Variants in TP73 observed in about 807,000 individuals in gnomAD.
TP73 encodes the protein p53-like transcription factor.
Under a neutral mutation model 62.5 loss-of-function variants are expected in TP73, and 25 were observed. The ratio of observed to expected loss-of-function variants is 0.40; its 90% CI spans 0.29 to 0.56. The LOEUF (loss-of-function observed/expected upper bound fraction) is 0.56, where lower values mean the gene tolerates loss of function less well. TP73 is among the 20% of genes least tolerant of loss of function. The pLI is 0.46. For missense variants in TP73, 754 were observed against 913.3 expected, an observed-to-expected ratio of 0.83 and a Z score of 2.25; for synonymous variants, 423 against 377.5, an observed-to-expected ratio of 1.12 and a Z score of -1.40.
chr1:3,693,712 C>T (rs185644466), intron 3 of TP73, among the ~76,000 whole-genome samples: 1 of 147,774 alleles, frequency 6.8e-6, no homozygotes, highest in African/African-American at 2.5e-5. Context: ...GCAGCCTTAG[C>T]CCCTCCTCCT....
chr1:3,716,956 C>G (rs749217716), intron 4 of TP73, among the ~76,000 whole-genome samples: 2 of 152,108 alleles, frequency 1.3e-5, no homozygotes, highest in Non-Finnish European at 2.9e-5. Context: ...AACACACAGA[C>G]GCACACACAA....
At chr1:3,725,997 T>TA (rs1327047075) in intron 6 of TP73, among the ~76,000 whole-genome samples, 6 of 44,150 alleles carry the variant, frequency 1.4e-4, no homozygotes, top group Non-Finnish European at 1.7e-4. Context: ...ATGGATGGGA[T>TA]GGGTGGATGG....
intron 1 of TP73, among the ~76,000 whole-genome samples, chr1:3,676,788 G>A (rs1645382370): frequency 6.6e-6 from 1 of 151,962 alleles, no homozygotes; most frequent in South Asian, 2.1e-4. Flanking sequence ...GCCCTGCAAA[G>A]TGCCTGGCCA....
intron 1 of TP73, among the ~76,000 whole-genome samples, chr1:3,661,796 C>T (rs6657865): frequency 0.17 from 24,562 of 143,844 alleles, 1,868 homozygotes; most frequent in South Asian, 0.22. Flanking sequence ...TATATACATA[C>T]ACTATATATA....
intron 1 of TP73, among the ~76,000 whole-genome samples, chr1:3,681,713 G>A (rs548339083): frequency 6.6e-6 from 1 of 152,202 alleles, no homozygotes; most frequent in East Asian, 1.9e-4. Context: ...CCGGGGGCTT[G>A]GCTGCAGCCT....
chr1:3,660,443 A>G (rs1644964947), intron 1 of TP73, among the ~76,000 whole-genome samples: 1 of 152,234 alleles, frequency 6.6e-6, no homozygotes, highest in Non-Finnish European at 1.5e-5. Flanking sequence ...ACACTTGGTG[A>G]GCTAACCAAC....
At chr1:3,718,124 C>T (rs530411516) in intron 4 of TP73, among the ~76,000 whole-genome samples, 2 of 152,318 alleles carry the variant, frequency 1.3e-5, no homozygotes, top group African/African-American at 4.8e-5. Flanking sequence ...ACACTCCAGT[C>T]CGAGCCCCCA....
rs932315714 is a variant in TP73, at chr1:3,666,224, G to A, written c.-34+13583G>A. On this transcript the variant is annotated intron_variant, in intron 1 of 13. Coordinates refer to ENST00000378295, the MANE Select transcript of TP73 (RefSeq NM_005427.4). The surrounding 1 kb of genome is among the most constrained non-coding windows in gnomAD (Gnocchi z 6.4). ...AGTGGTGCAGTCACAGCTGACCACA[G>A]CCTCCAACTGCTGGGCTCAGGCCAT... Among the ~76,000 whole-genome samples the A allele has an allele frequency of 6.7e-6, 1 of 148,896 alleles. No homozygotes were observed. Among genetic ancestry groups the A allele is most frequent in the Non-Finnish European group, 1.5e-5 (1 of 67,520 alleles).
At chr1:3,726,963 A>T in intron 6 of TP73, 152 bp from the exon 7 acceptor site, 1 of 548,272 alleles carries the variant, frequency 1.8e-6, no homozygotes, top group Non-Finnish European at 3.2e-6. Context: ...TGGATGAATG[A>T]GTGGACAGAT....
intron 4 of TP73, among the ~76,000 whole-genome samples, chr1:3,716,339 G>A (rs74046833): frequency 0.015 from 2,306 of 152,334 alleles, 68 homozygotes; most frequent in African/African-American, 0.053. Flanking sequence ...GCTGGGCCTG[G>A]CACTGGCTGT....
intron 3 of TP73, chr1:3,690,927 G>T: frequency 6.3e-7 from 1 of 1,580,972 alleles, no homozygotes; most frequent in South Asian, 1.2e-5. Flanking sequence ...CGGTGACCCC[G>T]CACGGCACCT....
At chr1:3,706,115 C>T (rs1010798370) in intron 3 of TP73, among the ~76,000 whole-genome samples, 23 of 152,186 alleles carry the variant, frequency 1.5e-4, no homozygotes, top group Non-Finnish European at 2.1e-4. Context: ...GACCGCCCCC[C>T]GCCCCCGGCC....
chr1:3,731,140 C>T (rs1642108822), intron 12 of TP73, 75 bp downstream of exon 12: 1 of 1,549,240 alleles, frequency 6.5e-7, no homozygotes, highest in Non-Finnish European at 8.7e-7. Flanking sequence ...GCCATGTCAG[C>T]TGCCCTGCCC....
intron 3 of TP73, among the ~76,000 whole-genome samples, chr1:3,691,917 G>T (rs1393323016): frequency 1.3e-5 from 2 of 152,240 alleles, no homozygotes; most frequent in Non-Finnish European, 2.9e-5. Flanking sequence ...TGTGACCAGG[G>T]TGTGTGTGAC....
intron 1 of TP73, among the ~76,000 whole-genome samples, chr1:3,673,389 C>T (rs924730646): frequency 5.9e-5 from 9 of 152,160 alleles, no homozygotes; most frequent in African/African-American, 2.2e-4. Flanking sequence ...ACTAAATAAC[C>T]GTCGGTCAAT....
Position 3,728,293 on chromosome 1 carries a change from G to A in TP73, c.1074+76G>A, listed in dbSNP as rs1641846230. The stretch of plus-strand genomic sequence containing the variant: ...GTCTGCTGAGCCCAGGCTGGGCCAT[G>A]GGGAGGGACTCTGGAGACCATGGTG... On this transcript the variant is annotated intron_variant, in intron 9 of 13. Transcript: ENST00000378295. The A allele has an allele frequency of 2.0e-6, 3 of 1,483,992 alleles. No homozygotes were observed. The Admixed American group carries it at 5.2e-5, about 26-fold the overall frequency. The allele number at this position is 1,483,992 out of a possible 1,614,324, so 91.9% of individuals were successfully genotyped here. A position where few individuals can be genotyped will look rare whatever the true frequency, so the allele number is the denominator to read the frequency against.
intron 4 of TP73, among the ~76,000 whole-genome samples, chr1:3,719,090 C>T (rs1462727695): frequency 2.0e-5 from 3 of 152,178 alleles, no homozygotes; most frequent in African/African-American, 7.2e-5. Flanking sequence ...CCTTTTGCCG[C>T]CCCTGAGACT....
chr1:3,698,953 G>A (rs1320163420), intron 3 of TP73, among the ~76,000 whole-genome samples: 2 of 152,314 alleles, frequency 1.3e-5, no homozygotes, highest in East Asian at 1.9e-4. Flanking sequence ...CTGGGGGCGC[G>A]TTTCTCCGGT....
At position 3,682,313 on chromosome 1, in the gene TP73, T is replaced by A; in HGVS notation, c.-33-20T>A. 1 of 1,446,084 alleles carries A rather than the reference T, an allele frequency of 6.9e-7. No individual in the cohort carries two copies. Among genetic ancestry groups the A allele is most frequent in the African/African-American group, 1.4e-5 (1 of 69,952 alleles). The allele number at this position is 1,446,084 out of a possible 1,614,324, so 89.6% of individuals were successfully genotyped here. ...CACGAGTTCCCAGGGTGCTCAGGTG[T>A]CATTCCTTCCTTCCTGCAGAGCGAG... On this transcript the variant is annotated intron_variant, in intron 1 of 13. Coordinates refer to ENST00000378295, the MANE Select transcript of TP73 (RefSeq NM_005427.4).
Sources: gnomAD v4.1 joint callset for allele counts (sites outside exome capture counted in the v4.1 genomes callset) on GRCh38, gnomAD v4.1.1 for gene constraint, Gnocchi (gnomAD v3.1) non-coding constraint, MANE v1.5 for transcripts, NCBI Gene and HGNC (gene_info 2026-07-23, HGNC 2026-07-21) for gene names.